ALG13: variants seen among roughly 807,000 people sequenced by gnomAD.
ALG13 encodes the protein UDP-N-acetylglucosamine transferase subunit ALG13.
Under a neutral mutation model 87.8 loss-of-function variants are expected in ALG13, and 11 were observed. That is an observed-to-expected ratio of 0.13 (90% CI 0.08 to 0.21). The LOEUF is 0.21. ALG13 is among the 10% of genes least tolerant of loss of function. The probability of loss-of-function intolerance (pLI) is 1.00; values close to 1 mark genes in which losing one functional copy is unlikely to be tolerated. For synonymous variants in ALG13, 320 were observed against 306.3 expected, an observed-to-expected ratio of 1.04 and a Z score of -0.47; for missense variants, 756 against 866.1, an observed-to-expected ratio of 0.87 and a Z score of 1.60.
At chrX:111,704,897 C>T (rs905342838) in intron 3 of ALG13, among the ~76,000 whole-genome samples, 2 of 111,703 alleles carry the variant, frequency 1.8e-5, no homozygotes, top group Non-Finnish European at 3.8e-5. Flanking sequence ...AGTGAATATA[C>T]AGAATTGTGC....
Position 111,721,754 on chromosome X carries a change from CAGG to C in ALG13, c.1435+46_1435+48del, listed in dbSNP as rs748834062. 34 of 959,029 alleles carry C rather than the reference CAGG, an allele frequency of 3.5e-5. No homozygotes were observed. In the African/African-American group the frequency reaches 6.2e-4, roughly 17 times the overall value. The allele number at this position is 959,029 out of a possible 1,213,427, so 79.0% of individuals were successfully genotyped here. A position where few individuals can be genotyped will look rare whatever the true frequency, so the allele number is the denominator to read the frequency against. On this transcript the variant is annotated intron_variant, in intron 12 of 26. Coordinates refer to ENST00000394780, the MANE Select transcript of ALG13 (RefSeq NM_001099922.3). ...GGATACTTTTGAATCCTGACAAATCCAGGAGTATAATTTTGCAAATTATGGTGA... is the reference window on the plus strand; with the variant it reads ...GGATACTTTTGAATCCTGACAAATCCAGTATAATTTTGCAAATTATGGTGA...
chrX:111,689,926 G>A lies in ALG13; in HGVS notation c.383+4823G>A, dbSNP rs58204668. ...ACACTTAACTGGGTTTTCCTTTGGC[G>A]TATGACAACCTTACCTAGGACTTAG... On this transcript the variant is annotated intron_variant, in intron 3 of 26. Transcript: ENST00000394780. 7.1e-4 allele frequency: 535 copies of A among 751,797 alleles called. 5 individuals are homozygous for A. In the African/African-American group the frequency reaches 0.011, roughly 15 times the overall value. The allele number at this position is 751,797 out of a possible 1,213,427, so 62.0% of individuals were successfully genotyped here. A position where few individuals can be genotyped will look rare whatever the true frequency, so the allele number is the denominator to read the frequency against.
chrX:111,709,538 C>CT (rs1380696099), intron 5 of ALG13, among the ~76,000 whole-genome samples: 4 of 111,786 alleles, frequency 3.6e-5, no homozygotes, highest in Non-Finnish European at 1.9e-5. Flanking sequence ...ACAAATGAGT[C>CT]TAAGTATCTA....
intron 15 of ALG13, among the ~76,000 whole-genome samples, chrX:111,726,132 A>T (rs59137333): frequency 0.018 from 1,946 of 107,289 alleles, 40 homozygotes; most frequent in African/African-American, 0.063. Context: ...TTTTTAGTAG[A>T]GATGGGGTTT....
In ALG13 at chrX:111,682,116, T is replaced by C; in HGVS notation, c.82-16T>C. 8.6e-7 allele frequency: 1 copy of C among 1,163,472 alleles called. No homozygotes were observed. Among genetic ancestry groups the C allele is most frequent in the Non-Finnish European group, 1.1e-6 (1 of 872,344 alleles). ...GCCAGTTTAAAAGGCCCTCACATTC[T>C]GATTTCCTCTTTCAGAAAATCGAGA... On this transcript the variant is annotated splice_polypyrimidine_tract_variant and intron_variant, in intron 1 of 26. Transcript: ENST00000394780.
chrX:111,722,748 A>G, intron 12 of ALG13, 45 bp from the exon 13 acceptor site: 1 of 933,382 alleles, frequency 1.1e-6, no homozygotes, highest in Non-Finnish European at 1.5e-6. Context: ...GATATAGGAA[A>G]GGAACCAGTT....
Position 111,708,406 on chromosome X carries a change from CAT to C in ALG13, c.750+16_750+17del. The C allele has an allele frequency of 8.3e-7, 1 of 1,200,760 alleles. No individual in the cohort carries two copies. The highest frequency in any genetic ancestry group is 1.1e-6 in the Non-Finnish European group (1 of 889,818). On this transcript the variant is annotated intron_variant, in intron 4 of 26. Coordinates refer to ENST00000394780, the MANE Select transcript of ALG13 (RefSeq NM_001099922.3). ...CATTTCGGAGCAGGTAAAAGGAAAACATATCTTCCCTGTACTGAGTTTTCAGA... is the reference window on the plus strand; with the variant it reads ...CATTTCGGAGCAGGTAAAAGGAAAACATCTTCCCTGTACTGAGTTTTCAGA...
At chrX:111,725,874 A>C in intron 15 of ALG13, among the ~76,000 whole-genome samples, 1 of 112,624 alleles carries the variant, frequency 8.9e-6, no homozygotes, top group Middle Eastern at 4.2e-3. Flanking sequence ...GCAGCCAGGG[A>C]TATTAACAGG....
chrX:111,731,761 C>T (rs745336181), intron 21 of ALG13, among the ~76,000 whole-genome samples: 3 of 112,087 alleles, frequency 2.7e-5, no homozygotes, highest in Non-Finnish European at 3.8e-5. Flanking sequence ...AGATATACTA[C>T]TAAGATTTGC....
At position 111,727,433 on chromosome X, in the gene ALG13, C is replaced by G; in HGVS notation, c.2078C>G (p.Ser693Cys). ...TGCTGCCAGAGCTATGATAACTTCT[C>G]TTATAGATCTCGGTAAGTATTGTGT... ...KRCCQSYDNF[S>C]YRSRSFRRSH... is the part of the protein sequence containing the mutation. Residue 693 changes from serine (S) to cysteine (C), a missense_variant, in exon 17 of 27, where the codon TCT (serine) becomes TGT (cysteine). Physicochemically the swap from Ser to Cys is moderately radical, Grantham distance 112 (BLOSUM62 -1). Coordinates refer to ENST00000394780, the MANE Select transcript of ALG13 (RefSeq NM_001099922.3). 1 of 1,200,931 alleles carries G rather than the reference C, an allele frequency of 8.3e-7. No individual in the cohort carries two copies. The highest frequency in any genetic ancestry group is 1.1e-6 in the Non-Finnish European group (1 of 887,325).
At chrX:111,735,894 C>T (rs1361429605) in intron 22 of ALG13, among the ~76,000 whole-genome samples, 2 of 110,049 alleles carry the variant, frequency 1.8e-5, no homozygotes, top group African/African-American at 6.6e-5. Context: ...CAGCCCTGTA[C>T]TGGGTGCTGT....
rs758300150 is a variant in ALG13 at position 111,757,698 on chromosome X, C to G, written c.3084C>G (p.Thr1028=). Residue 1028 remains threonine, a synonymous_variant, in exon 26 of 27, where the codon ACC becomes ACG. Transcript: ENST00000394780. ...VYTEPPLVDQ[T]VPQCYSEVRR... is the part of the protein sequence containing the mutation. ...CTGAGCCACCTCTGGTAGATCAAAC[C>G]GTTCCTCAATGCTACAGTGAGGTGA... is the stretch of plus-strand genomic sequence containing the variant. The G allele has an allele frequency of 3.3e-6, 4 of 1,210,098 alleles. No individual in the cohort carries two copies. Among genetic ancestry groups the G allele is most frequent in the South Asian group, 3.5e-5 (2 of 56,857 alleles).
intron 3 of ALG13, among the ~76,000 whole-genome samples, chrX:111,706,900 G>C (rs1466738671): frequency 2.0e-5 from 2 of 100,537 alleles, no homozygotes; most frequent in Non-Finnish European, 2.0e-5. Context: ...GAGCAGTCAT[G>C]ATTACTACTG....
Position 111,722,800 on chromosome X carries a change from A to G in ALG13, c.1443A>G (p.Gln481=), listed in dbSNP as rs374692571. Residue 481 remains glutamine, a synonymous_variant, in exon 13 of 27, where the codon CAA becomes CAG. Transcript: ENST00000394780. The part of the protein sequence containing the change: ...DVWLDSRKEL[Q]KSDYMEYAGR... ...TTCATTTTCTTTTAATAGAACTTCA[A>G]AAATCTGATTACATGGAGTATGCTG... 16 of 1,195,149 alleles carry G rather than the reference A, an allele frequency of 1.3e-5. No homozygotes were observed. The highest frequency in any genetic ancestry group is 1.8e-5 in the Non-Finnish European group (16 of 883,593).
chrX:111,681,799 A>G (rs1348218744), intron 1 of ALG13: 2 of 839,171 alleles, frequency 2.4e-6, no homozygotes, highest in Non-Finnish European at 2.9e-6. Flanking sequence ...TCGTCCCCTC[A>G]GGGCTCCCGG....
intron 2 of ALG13, among the ~76,000 whole-genome samples, chrX:111,682,924 C>T (rs1230701274): frequency 1.8e-5 from 2 of 111,766 alleles, no homozygotes; most frequent in Non-Finnish European, 3.8e-5. Context: ...GTTAATTAGA[C>T]TTCTAGTGCA....
At chrX:111,717,459 C>T (rs1184272441) in intron 8 of ALG13, among the ~76,000 whole-genome samples, 2 of 110,332 alleles carry the variant, frequency 1.8e-5, no homozygotes, top group East Asian at 2.8e-4. Context: ...CTAATTTTTC[C>T]AGTCATTCTT....
intron 19 of ALG13, among the ~76,000 whole-genome samples, chrX:111,730,003 G>T (rs1429446091): frequency 8.9e-6 from 1 of 112,324 alleles, no homozygotes; most frequent in East Asian, 2.8e-4. Flanking sequence ...TTACAGTGAA[G>T]AATTGAGGCA....
chrX:111,699,172 G>A lies in ALG13; in HGVS notation c.384-8855G>A, dbSNP rs149676471. 4.0e-3 allele frequency among the ~76,000 whole-genome samples: 446 copies of A among 110,154 alleles called. 1 individual carries two copies. Among genetic ancestry groups the A allele is most frequent in the African/African-American group, 0.013 (407 of 30,436 alleles). On this transcript the variant is annotated intron_variant, in intron 3 of 26. Transcript: ENST00000394780. Reference sequence around the variant, plus strand: ...TTATGTCGTCTTTTGAGAAATGTTCGTTTAGTTCCTTTGCTCATTTTTAAA... The same window carrying A: ...TTATGTCGTCTTTTGAGAAATGTTCATTTAGTTCCTTTGCTCATTTTTAAA...
Sources: allele counts gnomAD v4.1 joint callset (sites outside exome capture counted in the v4.1 genomes callset), GRCh38; gene constraint gnomAD v4.1.1; transcripts MANE v1.5; gene names NCBI Gene and HGNC (gene_info 2026-07-23, HGNC 2026-07-21).